The following COL25A1 variants were observed in gnomAD, a reference collection of about 807,000 sequenced individuals.
The protein encoded by COL25A1 is collagen alpha-1(XXV) chain.
In COL25A1, 103 loss-of-function variants were observed where a neutral mutation model predicts 128.4. That is an observed-to-expected ratio of 0.80 (90% CI 0.68 to 0.94). COL25A1 has a LOEUF of 0.94. Ranked by LOEUF, COL25A1 falls within the 40% of genes least tolerant of loss-of-function variation. COL25A1 has a pLI of 0.00. For missense variants in COL25A1, 745 were observed against 840.0 expected (o/e 0.89, Z 1.40); for synonymous variants, 279 against 277.2 (o/e 1.01, Z -0.06).
Position 108,941,578 on chromosome 4 carries a change from T to G in COL25A1, c.493-141A>C, listed in dbSNP as rs138963739. 1.1e-4 allele frequency: 66 copies of G among 606,270 alleles called. 1 individual carries two copies. The highest frequency in any genetic ancestry group is 1.0e-3 in the African/African-American group (54 of 53,994). 37.6% of individuals were successfully genotyped at this position (606,270 alleles called of 1,614,324 possible). ...TTAAACAAAATAGAACTGGCACTTA[T>G]GTCTAACATTAGACCCACTGGCTCT... is the stretch of plus-strand genomic sequence containing the variant. On this transcript the variant is annotated intron_variant, in intron 8 of 37. Coordinates refer to ENST00000399132, the MANE Select transcript of COL25A1 (RefSeq NM_198721.4).
chr4:109,082,152 TAGCTG>T (rs1170401802), intron 3 of COL25A1, among the ~76,000 whole-genome samples: 2 of 152,224 alleles, frequency 1.3e-5, no homozygotes, highest in African/African-American at 4.8e-5. Flanking sequence ...TTCAATTTCA[TAGCTG>T]AGTACTATTC....
chr4:109,032,720 T>C (rs947774198), intron 5 of COL25A1, among the ~76,000 whole-genome samples: 1 of 152,218 alleles, frequency 6.6e-6, no homozygotes, highest in East Asian at 1.9e-4. Flanking sequence ...AGACAGGAAA[T>C]GTAGCTTAGC....
At chr4:109,045,094 T>C (rs1760301642) in intron 5 of COL25A1, among the ~76,000 whole-genome samples, 1 of 152,228 alleles carries the variant, frequency 6.6e-6, no homozygotes, top group Non-Finnish European at 1.5e-5. Flanking sequence ...ACTTAATGAA[T>C]AGTAAATGTA....
chr4:109,011,506 G>C (rs911269643), intron 5 of COL25A1, among the ~76,000 whole-genome samples: 21 of 152,170 alleles, frequency 1.4e-4, no homozygotes, highest in African/African-American at 5.1e-4. Context: ...CAGTGGTGGA[G>C]AGAGAGAGAA....
intron 3 of COL25A1, among the ~76,000 whole-genome samples, chr4:109,155,571 T>C (rs1771947973): frequency 6.6e-6 from 1 of 152,242 alleles, no homozygotes; most frequent in Non-Finnish European, 1.5e-5. Context: ...AACATATCTC[T>C]TCAGAGGTCT....
intron 13 of COL25A1, among the ~76,000 whole-genome samples, chr4:108,911,487 C>T (rs1289747010): frequency 1.3e-5 from 2 of 151,650 alleles, no homozygotes; most frequent in African/African-American, 4.8e-5. Flanking sequence ...TTTAATCCCC[C>T]TACTACCCAT....
chr4:108,860,872 T>A, intron 23 of COL25A1, 55 bp downstream of exon 23: 4 of 1,460,348 alleles, frequency 2.7e-6, no homozygotes, highest in Non-Finnish European at 3.8e-6. Context: ...CAGACATGAA[T>A]TCAAATCTGG....
intron 3 of COL25A1, among the ~76,000 whole-genome samples, chr4:109,053,609 A>T (rs2125948491): frequency 6.6e-6 from 1 of 152,284 alleles, no homozygotes; most frequent in South Asian, 2.1e-4. Flanking sequence ...TACCCCTAGT[A>T]CTTAGATCTG....
At chr4:109,085,330 T>A (rs553438802) in intron 3 of COL25A1, among the ~76,000 whole-genome samples, 1 of 152,230 alleles carries the variant, frequency 6.6e-6, no homozygotes, top group African/African-American at 2.4e-5. Flanking sequence ...TCCCTTCAGA[T>A]GAAGTACAGC....
At chr4:109,216,366 T>G (rs1401822419) in intron 3 of COL25A1, among the ~76,000 whole-genome samples, 1 of 152,066 alleles carries the variant, frequency 6.6e-6, no homozygotes, top group Non-Finnish European at 1.5e-5. Flanking sequence ...TGGGCTGCCA[T>G]GGTAAAAATG....
intron 6 of COL25A1, among the ~76,000 whole-genome samples, chr4:108,994,166 G>A (rs12510123): frequency 0.14 from 20,948 of 152,292 alleles, 2,105 homozygotes; most frequent in East Asian, 0.4. Flanking sequence ...CCTCATCCAG[G>A]AAACTCAAGG....
At chr4:108,996,335 G>C (rs1754771674) in intron 6 of COL25A1, among the ~76,000 whole-genome samples, 1 of 149,016 alleles carries the variant, frequency 6.7e-6, no homozygotes, top group Non-Finnish European at 1.5e-5. Context: ...CCTGGTCTCT[G>C]ATAAGACAGA....
At chr4:109,066,267 T>C (rs1762440941) in intron 3 of COL25A1, among the ~76,000 whole-genome samples, 1 of 152,102 alleles carries the variant, frequency 6.6e-6, no homozygotes, top group African/African-American at 2.4e-5. Context: ...CAAGTGCCTC[T>C]TTTTCTAATA....
At chr4:108,942,938 T>C (rs996445701) in intron 8 of COL25A1, among the ~76,000 whole-genome samples, 17 of 151,684 alleles carry the variant, frequency 1.1e-4, no homozygotes, top group Non-Finnish European at 2.5e-4. Flanking sequence ...GTATTTGTAG[T>C]AGAGACTGGG....
intron 13 of COL25A1, among the ~76,000 whole-genome samples, chr4:108,911,388 G>C (rs1041627111): frequency 6.6e-6 from 1 of 151,006 alleles, no homozygotes; most frequent in African/African-American, 2.4e-5. Context: ...TACCAGGCCA[G>C]GGAGCCCTGT....
intron 3 of COL25A1, among the ~76,000 whole-genome samples, chr4:109,288,960 TATACACACACACAC>T (rs1421777649): frequency 2.0e-3 from 194 of 98,320 alleles, no homozygotes; most frequent in South Asian, 4.8e-3. Flanking sequence ...CTAAATTATA[TATACACACACACAC>T]ACACACACAC....
chr4:109,100,087 C>G lies in COL25A1; in HGVS notation c.368-49908G>C, dbSNP rs569969272. ...AAATTCACAAGAAATCGGGCACATC[C>G]ATACACTGCTGTAGGAGTGGAAATG... On this transcript the variant is annotated intron_variant, in intron 3 of 37. Coordinates refer to ENST00000399132, the MANE Select transcript of COL25A1 (RefSeq NM_198721.4). Among the ~76,000 whole-genome samples, 5 of 152,186 alleles carry G rather than the reference C, an allele frequency of 3.3e-5. No homozygotes were observed. In the South Asian group the frequency reaches 1.0e-3, roughly 32 times the overall value.
At chr4:108,953,836 T>C (rs1749746110) in intron 8 of COL25A1, among the ~76,000 whole-genome samples, 1 of 152,190 alleles carries the variant, frequency 6.6e-6, no homozygotes, top group Admixed American at 6.5e-5. Flanking sequence ...TAAAGATCTC[T>C]GATTTAGTGT....
intron 6 of COL25A1, among the ~76,000 whole-genome samples, chr4:108,988,305 G>T (rs181844355): frequency 5.1e-4 from 78 of 152,268 alleles, no homozygotes; most frequent in African/African-American, 1.4e-3. Flanking sequence ...TGCAACAAAG[G>T]CCTTTAACAA....
Sources: gnomAD v4.1 joint callset for allele counts (sites outside exome capture counted in the v4.1 genomes callset) on GRCh38, gnomAD v4.1.1 for gene constraint, MANE v1.5 for transcripts, NCBI Gene and HGNC (gene_info 2026-07-23, HGNC 2026-07-21) for gene names.